RIMS1: variants seen among roughly 807,000 people sequenced by gnomAD.
RIMS1 encodes the protein regulating synaptic membrane exocytosis protein 1.
In RIMS1, 83 loss-of-function variants were observed where a neutral mutation model predicts 214.1. The observed-to-expected ratio is 0.39, with a 90% CI of 0.32 to 0.47. The LOEUF is 0.47. Ranked by LOEUF, RIMS1 falls within the 20% of genes least tolerant of loss-of-function variation. The probability of loss-of-function intolerance (pLI) is 0.99; values close to 1 mark genes in which losing one functional copy is unlikely to be tolerated. For synonymous variants in RIMS1, 793 were observed against 786.8 expected, an observed-to-expected ratio of 1.01 and a Z score of -0.13; for missense variants, 2,050 against 2,161.8, an observed-to-expected ratio of 0.95 and a Z score of 1.03.
At chr6:72,263,908 G>C in intron 19 of RIMS1, 1 of 350,038 alleles carries the variant, frequency 2.9e-6, no homozygotes, top group Non-Finnish European at 4.0e-6. Flanking sequence ...GAGGAGATTT[G>C]CTTGAACCCA....
chr6:72,111,296 C>G, intron 4 of RIMS1, among the ~76,000 whole-genome samples: 1 of 152,098 alleles, frequency 6.6e-6, no homozygotes. Flanking sequence ...TACTTTTTCT[C>G]ATCATCTTCA....
At chr6:72,152,730 A>ATATG (rs2043802096) in intron 4 of RIMS1, among the ~76,000 whole-genome samples, 1 of 140,964 alleles carries the variant, frequency 7.1e-6, no homozygotes, top group South Asian at 2.2e-4. Flanking sequence ...ATATATATAT[A>ATATG]TGGAATATAT....
intron 1 of RIMS1, among the ~76,000 whole-genome samples, chr6:71,888,699 A>G (rs1768632629): frequency 6.6e-6 from 1 of 152,168 alleles, no homozygotes. Context: ...AATAGTAGAA[A>G]TCCAGTCATT....
intron 4 of RIMS1, among the ~76,000 whole-genome samples, chr6:72,109,759 G>GA (rs2035628227): frequency 6.6e-6 from 1 of 152,160 alleles, no homozygotes; most frequent in Non-Finnish European, 1.5e-5. Flanking sequence ...TGGTGTTTTA[G>GA]ACATGAAGTC....
At chr6:72,182,234 T>C in intron 5 of RIMS1, 50 bp from the exon 6 acceptor site, 1 of 1,493,026 alleles carries the variant, frequency 6.7e-7, no homozygotes, top group South Asian at 1.4e-5. Context: ...ATGTTTTTTA[T>C]GTCTAGTCTT....
At chr6:72,167,996 A>G (rs1278819195) in intron 4 of RIMS1, among the ~76,000 whole-genome samples, 1 of 152,056 alleles carries the variant, frequency 6.6e-6, no homozygotes. Context: ...ATTTTGAAAG[A>G]TCTGGAAATG....
intron 6 of RIMS1, among the ~76,000 whole-genome samples, chr6:72,189,939 T>C (rs905360865): frequency 2.6e-5 from 4 of 152,226 alleles, no homozygotes; most frequent in African/African-American, 9.7e-5. Flanking sequence ...CTCAGAGAGT[T>C]CCATCCACGT....
At chr6:72,328,360 TG>T (rs1161428288) in intron 28 of RIMS1, among the ~76,000 whole-genome samples, 1 of 151,672 alleles carries the variant, frequency 6.6e-6, no homozygotes, top group East Asian at 2.0e-4. Context: ...ATGGGTTTGA[TG>T]GGTGCAGCAA....
chr6:71,970,052 A>G (rs570734356), intron 2 of RIMS1, among the ~76,000 whole-genome samples: 1 of 152,236 alleles, frequency 6.6e-6, no homozygotes, highest in African/African-American at 2.4e-5. Flanking sequence ...AAAATTATTT[A>G]TGTTTTAGGA....
Position 71,987,170 on chromosome 6 carries a change from G to A in RIMS1, c.245+18107G>A, listed in dbSNP as rs141902337. On this transcript the variant is annotated intron_variant, in intron 2 of 33. Transcript: ENST00000521978. ...ATTTTTTTGGTAGAGCAATTGTTACGTTATAAATGATACTGTATAAACCTA... is the reference window on the plus strand; with the variant it reads ...ATTTTTTTGGTAGAGCAATTGTTACATTATAAATGATACTGTATAAACCTA... Among the ~76,000 whole-genome samples the A allele has an allele frequency of 8.2e-3, 1,252 of 152,260 alleles. 22 individuals are homozygous for A. Among genetic ancestry groups the A allele is most frequent in the African/African-American group, 0.028 (1,173 of 41,566 alleles).
chr6:72,332,505 A>G (rs2096701330), intron 28 of RIMS1, among the ~76,000 whole-genome samples: 1 of 128,382 alleles, frequency 7.8e-6, no homozygotes, highest in Non-Finnish European at 1.6e-5. Context: ...TGGACACAGG[A>G]AGGGGAACAT....
intron 2 of RIMS1, among the ~76,000 whole-genome samples, chr6:72,063,160 T>C (rs561229619): frequency 1.8e-4 from 27 of 152,126 alleles, no homozygotes; most frequent in Admixed American, 2.6e-4. Flanking sequence ...TTCAGAGTTA[T>C]CACACTAAAA....
At chr6:71,889,738 A>G (rs1769027028) in intron 1 of RIMS1, among the ~76,000 whole-genome samples, 1 of 152,250 alleles carries the variant, frequency 6.6e-6, no homozygotes, top group South Asian at 2.1e-4. Context: ...ACATAATGAC[A>G]CATAGTCATA....
At chr6:71,949,115 G>A (rs1394490543) in intron 1 of RIMS1, among the ~76,000 whole-genome samples, 5 of 152,170 alleles carry the variant, frequency 3.3e-5, no homozygotes, top group African/African-American at 9.7e-5. Context: ...GTCCATCTAA[G>A]TGCTTATGGG....
chr6:72,370,902 G>A (rs1252406874), intron 29 of RIMS1, among the ~76,000 whole-genome samples: 2 of 152,144 alleles, frequency 1.3e-5, no homozygotes, highest in Non-Finnish European at 2.9e-5. Flanking sequence ...AAAAGGAGGA[G>A]AGGTTTGATG....
At chr6:72,327,831 G>A (rs1222385372) in intron 28 of RIMS1, among the ~76,000 whole-genome samples, 1 of 151,704 alleles carries the variant, frequency 6.6e-6, no homozygotes, top group Non-Finnish European at 1.5e-5. Context: ...TTTTTGAAAA[G>A]GGAATTTTCT....
At chr6:72,094,701 A>C (rs2030701156) in intron 2 of RIMS1, among the ~76,000 whole-genome samples, 1 of 152,192 alleles carries the variant, frequency 6.6e-6, no homozygotes, top group Admixed American at 6.5e-5. Flanking sequence ...CTCAAAGTCT[A>C]AAATATTTAC....
intron 2 of RIMS1, among the ~76,000 whole-genome samples, chr6:72,053,049 C>T (rs1380095504): frequency 6.6e-6 from 1 of 152,130 alleles, no homozygotes; most frequent in Non-Finnish European, 1.5e-5. Context: ...CTGAAGTGAA[C>T]CTTCCAAGTT....
Position 71,886,900 on chromosome 6 carries a change from G to A in RIMS1, c.-124G>A, listed in dbSNP as rs1767908424. On this transcript the variant is annotated 5_prime_UTR_variant, in exon 1 of 34. Coordinates refer to ENST00000521978, the MANE Select transcript of RIMS1 (RefSeq NM_014989.7). ...TGCTGCTGCTGCCGCCGCCGCCGCTGCTCCTCCTCCTGCCGCCGCCGCTAG... is the reference window on the plus strand; with the variant it reads ...TGCTGCTGCTGCCGCCGCCGCCGCTACTCCTCCTCCTGCCGCCGCCGCTAG... 2.1e-5 allele frequency: 23 copies of A among 1,110,590 alleles called. No individual in the cohort carries two copies. The highest frequency in any genetic ancestry group is 2.6e-5 in the Non-Finnish European group (20 of 773,098). 68.8% of individuals were successfully genotyped at this position (1,110,590 alleles called of 1,614,324 possible). A position where few individuals can be genotyped will look rare whatever the true frequency, so the allele number is the denominator to read the frequency against.
Sources: gnomAD v4.1 joint callset for allele counts (sites outside exome capture counted in the v4.1 genomes callset) on GRCh38, gnomAD v4.1.1 for gene constraint, MANE v1.5 for transcripts, NCBI Gene and HGNC (gene_info 2026-07-23, HGNC 2026-07-21) for gene names.